Variants in KIF5C observed in about 807,000 individuals in gnomAD.
KIF5C encodes the protein kinesin family member 5C.
Under a neutral mutation model 125.2 loss-of-function variants are expected in KIF5C, and 18 were observed. That is an observed-to-expected ratio of 0.14 (90% confidence interval 0.10 to 0.21). The LOEUF (loss-of-function observed/expected upper bound fraction) is 0.21. Ranked by LOEUF, KIF5C falls within the 10% of genes least tolerant of loss-of-function variation. KIF5C has a pLI of 1.00. For synonymous variants in KIF5C, 405 were observed against 434.0 expected, an observed-to-expected ratio of 0.93 and a Z score of 0.83; for missense variants, 780 against 1,183.8, an observed-to-expected ratio of 0.66 and a Z score of 5.01.
intron 17 of KIF5C, among the ~76,000 whole-genome samples, chr2:148,995,364 C>T (rs1319899069): frequency 6.6e-6 from 1 of 152,200 alleles, no homozygotes; most frequent in East Asian, 1.9e-4. Context: ...TCCCTGGCAC[C>T]CCCTTGAACA....
chr2:148,907,938 A>G (rs949073079), intron 1 of KIF5C, among the ~76,000 whole-genome samples: 1 of 152,190 alleles, frequency 6.6e-6, no homozygotes, highest in Non-Finnish European at 1.5e-5. Context: ...CTGGAGATCT[A>G]TGTTAGAGTC....
intron 16 of KIF5C, among the ~76,000 whole-genome samples, chr2:148,991,411 C>T (rs1226816258): frequency 1.3e-5 from 2 of 151,986 alleles, no homozygotes; most frequent in African/African-American, 2.4e-5. Context: ...TTCCCTTTTT[C>T]GAGGATATAT....
chr2:148,997,462 C>A (rs1388529591), intron 18 of KIF5C, 122 bp downstream of exon 18: 1 of 1,524,048 alleles, frequency 6.6e-7, no homozygotes, highest in Non-Finnish European at 8.9e-7. Flanking sequence ...AGGGGAGGGG[C>A]TGTTGTTGGG....
intron 10 of KIF5C, 54 bp downstream of exon 10, chr2:148,950,516 G>A (rs1473551708): frequency 1.3e-6 from 2 of 1,565,112 alleles, no homozygotes; most frequent in East Asian, 2.3e-5. Context: ...GGTCTTAAGA[G>A]TGAATGGCAA....
At chr2:148,930,380 T>C (rs533628114) in intron 3 of KIF5C, among the ~76,000 whole-genome samples, 2 of 152,056 alleles carry the variant, frequency 1.3e-5, no homozygotes, top group South Asian at 2.1e-4. Flanking sequence ...CAGAGCCTGA[T>C]AATTCTTCTA....
At chr2:148,938,607 C>T (rs112532721) in intron 4 of KIF5C, among the ~76,000 whole-genome samples, 1,955 of 152,212 alleles carry the variant, frequency 0.013, 17 homozygotes, top group Middle Eastern at 0.041. Flanking sequence ...CATAGGTGCC[C>T]CCCTTGCCCG....
chr2:149,010,788 A>T (rs1348675640), intron 24 of KIF5C, among the ~76,000 whole-genome samples: 2 of 152,222 alleles, frequency 1.3e-5, no homozygotes, highest in African/African-American at 4.8e-5. Context: ...AGGTTTGGAA[A>T]TACCCCTGGA....
intron 11 of KIF5C, among the ~76,000 whole-genome samples, chr2:148,965,904 G>T (rs1365165550): frequency 1.3e-5 from 2 of 152,154 alleles, no homozygotes; most frequent in African/African-American, 4.8e-5. Context: ...AAAAAAAGGG[G>T]CACTGGAAGC....
At chr2:148,904,589 G>C (rs1681031116) in intron 1 of KIF5C, among the ~76,000 whole-genome samples, 1 of 152,188 alleles carries the variant, frequency 6.6e-6, no homozygotes, top group African/African-American at 2.4e-5. Context: ...ATCTGGGGTA[G>C]ATCTGGGCTC....
rs771597140 is a variant in KIF5C at position 148,922,157 on chromosome 2, C to T, written c.147C>T (p.Phe49=). The T allele has an allele frequency of 7.1e-5, 114 of 1,611,446 alleles. No homozygotes were observed. Among genetic ancestry groups the T allele is most frequent in the Non-Finnish European group, 9.2e-5 (108 of 1,178,720 alleles). The change falls in exon 2 of 26, where the codon TTC becomes TTT. Residue 49 remains phenylalanine, a synonymous_variant. Transcript: ENST00000435030. ...VVIGQGKPYV[F]DRVLPPNTTQ... ...TTTAGCAAGGGAAGCCATATGTCTT[C>T]GACAGAGTGCTACCTCCCAACACGA...
At chr2:148,895,230 C>T (rs1380340398) in intron 1 of KIF5C, among the ~76,000 whole-genome samples, 2 of 152,062 alleles carry the variant, frequency 1.3e-5, no homozygotes, top group African/African-American at 2.4e-5. Flanking sequence ...CTCCGCCTCC[C>T]GGGTTCAAGC....
chr2:148,875,591 C>CCTGCCCCCCCCCCACCCCCT lies in KIF5C; in HGVS notation c.-27_-26insCTGCCCCCCCCCCACCCCCT. 7.2e-7 allele frequency: 1 copy of CCTGCCCCCCCCCCACCCCCT among 1,385,734 alleles called. No homozygotes were observed. Among genetic ancestry groups the CCTGCCCCCCCCCCACCCCCT allele is most frequent in the Admixed American group, 2.0e-5 (1 of 49,162 alleles). The allele number at this position is 1,385,734 out of a possible 1,614,324, so 85.8% of individuals were successfully genotyped here. A position where few individuals can be genotyped will look rare whatever the true frequency, so the allele number is the denominator to read the frequency against. On this transcript the variant is annotated 5_prime_UTR_variant, in exon 1 of 26. Coordinates refer to ENST00000435030, the MANE Select transcript of KIF5C (RefSeq NM_004522.3). ...CCGGCCCCGGCCCCCCACCCATCCCCGTGCCCCCTCCCTACCGCCGGCCGA... is the reference window on the plus strand; with the variant it reads ...CCGGCCCCGGCCCCCCACCCATCCCCCTGCCCCCCCCCCACCCCCTGTGCCCCCTCCCTACCGCCGGCCGA...
Position 149,023,750 on chromosome 2 carries a change from A to C in KIF5C, c.*680A>C, listed in dbSNP as rs761688850. On this transcript the variant is annotated 3_prime_UTR_variant, in exon 26 of 26. Transcript: ENST00000435030. ...CAAATACATCTGTGTAAATGCAAAA[A>C]GTCATAAAATTCACCTCCGAGCTGC... 2.0e-5 allele frequency: 3 copies of C among 152,310 alleles called. No homozygotes were observed. The highest frequency in any genetic ancestry group is 4.4e-5 in the Non-Finnish European group (3 of 68,032). 9.4% of individuals were successfully genotyped at this position (152,310 alleles called of 1,614,324 possible). A position where few individuals can be genotyped will look rare whatever the true frequency, so the allele number is the denominator to read the frequency against.
At chr2:148,936,821 A>G (rs1682301938) in intron 3 of KIF5C, among the ~76,000 whole-genome samples, 1 of 152,238 alleles carries the variant, frequency 6.6e-6, no homozygotes, top group Non-Finnish European at 1.5e-5. Flanking sequence ...AGGTTCTTAG[A>G]AATTTTGGAA....
intron 15 of KIF5C, among the ~76,000 whole-genome samples, chr2:148,988,019 T>C (rs1681427335): frequency 1.3e-5 from 2 of 152,136 alleles, no homozygotes; most frequent in African/African-American, 4.8e-5. Flanking sequence ...AGGCCACATC[T>C]TCCATAGATT....
intron 3 of KIF5C, among the ~76,000 whole-genome samples, chr2:148,936,214 T>G (rs1004951652): frequency 6.6e-6 from 1 of 152,190 alleles, no homozygotes; most frequent in Non-Finnish European, 1.5e-5. Context: ...GCCTGGGAAG[T>G]GGAGGTTGCA....
intron 3 of KIF5C, among the ~76,000 whole-genome samples, chr2:148,933,151 G>A (rs1427003134): frequency 1.3e-5 from 2 of 151,870 alleles, no homozygotes; most frequent in African/African-American, 2.4e-5. Context: ...TCTCCCACTC[G>A]CCTTCTCCGC....
chr2:149,000,323 G>T, intron 19 of KIF5C, 100 bp from the exon 20 acceptor site: 3 of 1,414,788 alleles, frequency 2.1e-6, no homozygotes, highest in South Asian at 2.8e-5. Flanking sequence ...TGCCTTTATT[G>T]TACAGAGCTA....
chr2:148,948,014 A>T, intron 8 of KIF5C: 1 of 456,700 alleles, frequency 2.2e-6, no homozygotes, highest in Admixed American at 2.3e-5. Flanking sequence ...AAACCTGAGC[A>T]GAAAGTCATC....
Sources: allele counts gnomAD v4.1 joint callset (sites outside exome capture counted in the v4.1 genomes callset), GRCh38; gene constraint gnomAD v4.1.1; transcripts MANE v1.5; gene names NCBI Gene and HGNC (gene_info 2026-07-23, HGNC 2026-07-21).